Variants in TMEM131L observed in about 807,000 individuals in gnomAD.
The protein encoded by TMEM131L is transmembrane protein 131-like.
TMEM131L carries 54 observed loss-of-function variants against 192.2 expected under a neutral mutation model. That is an observed-to-expected ratio of 0.28 (90% CI 0.23 to 0.35). The LOEUF (loss-of-function observed/expected upper bound fraction) is 0.35, where lower values mean the gene tolerates loss of function less well. Among genes scored for constraint, TMEM131L ranks in the 10% least tolerant of loss-of-function variants. TMEM131L has a pLI of 1.00. For missense variants in TMEM131L, 1,888 were observed against 1,972.9 expected, an observed-to-expected ratio of 0.96 and a Z score of 0.82; for synonymous variants, 701 against 704.9, an observed-to-expected ratio of 0.99 and a Z score of 0.09.
intron 3 of TMEM131L, among the ~76,000 whole-genome samples, chr4:153,488,932 C>T (rs576016987): frequency 3.9e-5 from 6 of 152,230 alleles, no homozygotes; most frequent in South Asian, 2.1e-4. Context: ...TGGGTGTCTC[C>T]GTGCTTTCAC....
At chr4:153,609,813 AT>A (rs1451438401) in intron 25 of TMEM131L, among the ~76,000 whole-genome samples, 1 of 152,056 alleles carries the variant, frequency 6.6e-6, no homozygotes, top group East Asian at 1.9e-4. Flanking sequence ...AATGGCACCT[AT>A]TTTTTTGAGG....
At chr4:153,579,128 A>T (rs945623023) in intron 7 of TMEM131L, among the ~76,000 whole-genome samples, 3 of 152,076 alleles carry the variant, frequency 2.0e-5, no homozygotes, top group Non-Finnish European at 2.9e-5. Flanking sequence ...TGGGAGGCTG[A>T]GGTGGGTGGA....
At chr4:153,614,923 T>C (rs1393681641) in intron 26 of TMEM131L, among the ~76,000 whole-genome samples, 1 of 152,304 alleles carries the variant, frequency 6.6e-6, no homozygotes, top group South Asian at 2.1e-4. Flanking sequence ...GGAGTCATTT[T>C]TTCACATGGC....
chr4:153,617,164 T>C (rs984020282), intron 26 of TMEM131L, among the ~76,000 whole-genome samples: 1 of 152,182 alleles, frequency 6.6e-6, no homozygotes, highest in Admixed American at 6.6e-5. Context: ...TCACGAGATC[T>C]GATGGTTTTA....
intron 3 of TMEM131L, among the ~76,000 whole-genome samples, chr4:153,544,383 C>T (rs547694384): frequency 1.3e-5 from 2 of 152,332 alleles, no homozygotes; most frequent in Admixed American, 6.5e-5. Flanking sequence ...CACACATCCA[C>T]AGCACGTCAC....
At chr4:153,528,784 G>A (rs565068345) in intron 3 of TMEM131L, among the ~76,000 whole-genome samples, 2 of 152,274 alleles carry the variant, frequency 1.3e-5, no homozygotes, top group South Asian at 2.1e-4. Flanking sequence ...TTTGGTTGGG[G>A]GTGGGGGAGC....
At chr4:153,632,540 G>A (rs117412990) in intron 31 of TMEM131L, 178 bp from the exon 32 acceptor site, 5 of 655,518 alleles carry the variant, frequency 7.6e-6, no homozygotes, top group African/African-American at 3.7e-5. Context: ...CTGAAGAAAC[G>A]GTCAAAACAA....
intron 34 of TMEM131L, among the ~76,000 whole-genome samples, chr4:153,636,046 G>GT (rs1294634359): frequency 1.3e-5 from 2 of 152,004 alleles, no homozygotes; most frequent in East Asian, 1.9e-4. Context: ...ACTTGTTTTT[G>GT]TTTTTTTCCA....
At chr4:153,538,206 G>A (rs1371004360) in intron 3 of TMEM131L, among the ~76,000 whole-genome samples, 1 of 152,136 alleles carries the variant, frequency 6.6e-6, no homozygotes, top group Non-Finnish European at 1.5e-5. Flanking sequence ...CTTCCAGGTG[G>A]GGATGTCACC....
At chr4:153,580,150 C>G (rs1026341700) in intron 7 of TMEM131L, among the ~76,000 whole-genome samples, 1 of 152,222 alleles carries the variant, frequency 6.6e-6, no homozygotes, top group Non-Finnish European at 1.5e-5. Context: ...AGCCCCCACC[C>G]TCCTACCCAA....
intron 27 of TMEM131L, 103 bp from the exon 28 acceptor site, chr4:153,621,580 C>G (rs1290753334): frequency 8.4e-7 from 1 of 1,188,678 alleles, no homozygotes; most frequent in Non-Finnish European, 1.2e-6. Flanking sequence ...CCTATTGTCC[C>G]AGATTCATAT....
At chr4:153,632,262 A>C (rs568930829) in intron 31 of TMEM131L, 47 of 161,476 alleles carry the variant, frequency 2.9e-4, no homozygotes, top group Admixed American at 2.2e-3. Flanking sequence ...GCAGTGAACC[A>C]AGATGCCACC....
At chr4:153,554,285 T>A (rs571947194) in intron 4 of TMEM131L, 8 of 152,266 alleles carry the variant, frequency 5.3e-5, no homozygotes, top group South Asian at 4.1e-4. Flanking sequence ...GAACATTTTT[T>A]AAAAAAATGG....
intron 16 of TMEM131L, among the ~76,000 whole-genome samples, chr4:153,589,730 T>C (rs994400238): frequency 1.3e-5 from 2 of 152,224 alleles, no homozygotes; most frequent in African/African-American, 2.4e-5. Context: ...AGCTTTTAAT[T>C]TTGACAAATT....
At chr4:153,518,923 C>T (rs776013720) in intron 3 of TMEM131L, among the ~76,000 whole-genome samples, 22 of 152,106 alleles carry the variant, frequency 1.4e-4, no homozygotes, top group Non-Finnish European at 2.9e-4. Context: ...GAATTCTAGT[C>T]GGTGGGGTGG....
chr4:153,592,717 A>C, intron 18 of TMEM131L, 133 bp downstream of exon 18: 2 of 657,666 alleles, frequency 3.0e-6, no homozygotes, highest in Admixed American at 4.9e-5. Context: ...TAGCTCATGG[A>C]CCTTGGGCAT....
intron 3 of TMEM131L, 144 bp from the exon 4 acceptor site, chr4:153,549,929 C>G (rs1737477931): frequency 2.3e-6 from 1 of 427,384 alleles, no homozygotes; most frequent in Non-Finnish European, 4.3e-6. Flanking sequence ...TACCAGACTT[C>G]TAATAGTTCA....
intron 17 of TMEM131L, among the ~76,000 whole-genome samples, chr4:153,591,534 C>T (rs1184524291): frequency 6.6e-6 from 1 of 152,158 alleles, no homozygotes; most frequent in Non-Finnish European, 1.5e-5. Context: ...GTGATGCCAT[C>T]AGGGACTGAG....
At chr4:153,551,287 C>T (rs1474174417) in intron 4 of TMEM131L, among the ~76,000 whole-genome samples, 1 of 151,998 alleles carries the variant, frequency 6.6e-6, no homozygotes, top group East Asian at 1.9e-4. Flanking sequence ...CTCCTTTATG[C>T]ATCTGGATTG....
Sources: gnomAD v4.1 joint callset for allele counts (sites outside exome capture counted in the v4.1 genomes callset) on GRCh38, gnomAD v4.1.1 for gene constraint, MANE v1.5 for transcripts, NCBI Gene and HGNC (gene_info 2026-07-23, HGNC 2026-07-21) for gene names.